The following COA1 variants were observed in gnomAD, a reference collection of about 807,000 sequenced individuals.
COA1 encodes the protein cytochrome c oxidase assembly factor 1 homolog.
A neutral mutation model predicts 16.0 loss-of-function variants in COA1; 13 were observed. The observed-to-expected ratio is 0.81, with a 90% CI of 0.53 to 1.29. The LOEUF is 1.29. COA1 is among the 50% of genes most tolerant of loss of function. The pLI is 0.00. For missense variants in COA1, 179 were observed against 177.0 expected (o/e 1.01, Z -0.06); for synonymous variants, 65 against 65.7 (o/e 0.99, Z 0.05).
At chr7:43,668,196 T>C (rs1417583600) in intron 1 of COA1, among the ~76,000 whole-genome samples, 1 of 152,208 alleles carries the variant, frequency 6.6e-6, no homozygotes, top group African/African-American at 2.4e-5. Context: ...TCTTAACCTG[T>C]CGTCAGTAAA....
chr7:43,723,873 G>C (rs867301842), intron 1 of COA1, among the ~76,000 whole-genome samples: 27 of 152,174 alleles, frequency 1.8e-4, no homozygotes, highest in Non-Finnish European at 4.4e-5. Flanking sequence ...GCTGCACTGA[G>C]CCATGTTCAT....
intron 1 of COA1, among the ~76,000 whole-genome samples, chr7:43,690,172 A>G (rs1216470294): frequency 2.6e-5 from 4 of 152,222 alleles, no homozygotes; most frequent in African/African-American, 4.8e-5. Flanking sequence ...AATTAGTACA[A>G]CCACTATGAA....
At chr7:43,713,258 C>T (rs1428735012) in intron 1 of COA1, among the ~76,000 whole-genome samples, 2 of 152,096 alleles carry the variant, frequency 1.3e-5, no homozygotes, top group African/African-American at 4.8e-5. Context: ...AGCCTCAATA[C>T]ATATATATGT....
intron 1 of COA1, among the ~76,000 whole-genome samples, chr7:43,706,164 T>C (rs536021642): frequency 6.6e-6 from 1 of 152,250 alleles, no homozygotes; most frequent in South Asian, 2.1e-4. Flanking sequence ...TTTCATCTCC[T>C]ACACTACTGG....
At chr7:43,697,029 C>A (rs1375683927) in intron 1 of COA1, among the ~76,000 whole-genome samples, 4 of 151,522 alleles carry the variant, frequency 2.6e-5, no homozygotes, top group Admixed American at 2.6e-4. Context: ...GAGGCTGAGG[C>A]AGGAGAATCG....
At chr7:43,618,848 G>A (rs2083586195) in intron 6 of COA1, among the ~76,000 whole-genome samples, 1 of 152,172 alleles carries the variant, frequency 6.6e-6, no homozygotes, top group African/African-American at 2.4e-5. Flanking sequence ...TAGGGTAGAA[G>A]TCATCAGTAT....
chr7:43,673,639 T>C (rs749600076), intron 1 of COA1, among the ~76,000 whole-genome samples: 2 of 152,184 alleles, frequency 1.3e-5, no homozygotes, highest in Admixed American at 6.5e-5. Context: ...AATCTCATTA[T>C]TGCGTATATA....
chr7:43,628,226 A>G (rs1274994555), intron 6 of COA1, among the ~76,000 whole-genome samples: 1 of 152,094 alleles, frequency 6.6e-6, no homozygotes, highest in African/African-American at 2.4e-5. Context: ...TCCTGACCTC[A>G]AGTGATCCAC....
chr7:43,656,422 G>A (rs2091711074), intron 1 of COA1, among the ~76,000 whole-genome samples: 1 of 152,342 alleles, frequency 6.6e-6, no homozygotes, highest in East Asian at 1.9e-4. Context: ...CATAGGCCAG[G>A]CATGGTGGCT....
In COA1 at chr7:43,624,486, A is replaced by G. The variant is rs373304977; in HGVS notation, c.*133+14963T>C. 2.6e-6 allele frequency: 4 copies of G among 1,557,954 alleles called. No homozygotes were observed. In the East Asian group the frequency reaches 9.0e-5, roughly 35 times the overall value. ...CTCTAATTTTAATTGAAGTTCTAAC[A>G]TGTCTTAACTGTAAAACATGTATCT... On this transcript the variant is annotated intron_variant and NMD_transcript_variant, in intron 6 of 6. Transcript: ENST00000415076.
chr7:43,664,414 A>G (rs1181979359), intron 1 of COA1, among the ~76,000 whole-genome samples: 7 of 152,230 alleles, frequency 4.6e-5, no homozygotes, highest in Non-Finnish European at 8.8e-5. Context: ...GGTGTTTTAA[A>G]TCAGGACAGT....
intron 1 of COA1, chr7:43,650,047 G>C (rs1456596669): frequency 6.6e-6 from 1 of 152,494 alleles, no homozygotes; most frequent in African/African-American, 2.4e-5. Flanking sequence ...AAGAACTGCT[G>C]AAGTGTAAAG....
intron 1 of COA1, among the ~76,000 whole-genome samples, chr7:43,691,285 G>GAA (rs1429847025): frequency 4.9e-5 from 2 of 40,958 alleles, no homozygotes; most frequent in East Asian, 1.5e-3. Flanking sequence ...AAGAAAGAAA[G>GAA]AAAGAAAGAA....
chr7:43,715,296 T>G lies in COA1; in HGVS notation c.-39+14133A>C, dbSNP rs2095364400. 2.6e-5 allele frequency among the ~76,000 whole-genome samples: 4 copies of G among 152,002 alleles called. No individual in the cohort carries two copies. In the South Asian group the frequency reaches 8.3e-4, roughly 32 times the overall value. The stretch of plus-strand genomic sequence containing the variant: ...TGAATGTTAAGGGTATGTTGCTTGG[T>G]GAAACTCCGTCTCTACTAAAAATAC... On this transcript the variant is annotated intron_variant, in intron 1 of 5. Coordinates refer to ENST00000223336, the MANE Select transcript of COA1 (RefSeq NM_018224.4).
At chr7:43,629,446 T>C (rs2084952209) in intron 6 of COA1, among the ~76,000 whole-genome samples, 1 of 152,206 alleles carries the variant, frequency 6.6e-6, no homozygotes, top group African/African-American at 2.4e-5. Flanking sequence ...TCAGCAGTGT[T>C]TTACATTTTT....
chr7:43,646,260 G>C, intron 3 of COA1: 1 of 271,596 alleles, frequency 3.7e-6, no homozygotes, highest in Non-Finnish European at 7.6e-6. Context: ...TGAACACGGT[G>C]CCAGCTATGA....
chr7:43,621,538 C>T (rs1415861080), intron 6 of COA1, among the ~76,000 whole-genome samples: 1 of 152,128 alleles, frequency 6.6e-6, no homozygotes, highest in Non-Finnish European at 1.5e-5. Context: ...AATGCAGTGG[C>T]ACCATCATAG....
chr7:43,664,103 A>AAGAGAGAGAGAGAGAGAGAGACAGAG (rs2092700501), intron 1 of COA1, among the ~76,000 whole-genome samples: 1 of 135,144 alleles, frequency 7.4e-6, no homozygotes, highest in Non-Finnish European at 1.5e-5. Flanking sequence ...TGTCTTTAGA[A>AAGAGAGAGAGAGAGAGAGAGACAGAG]AGAGAGAGAG....
intron 1 of COA1, among the ~76,000 whole-genome samples, chr7:43,704,909 G>C (rs761211437): frequency 5.3e-5 from 8 of 152,176 alleles, no homozygotes; most frequent in African/African-American, 1.9e-4. Context: ...TTCTTGCACT[G>C]GTTCTTTCTT....
Sources: gnomAD v4.1 joint callset for allele counts (sites outside exome capture counted in the v4.1 genomes callset) on GRCh38, gnomAD v4.1.1 for gene constraint, MANE v1.5 for transcripts, NCBI Gene and HGNC (gene_info 2026-07-23, HGNC 2026-07-21) for gene names.